GLRA3: variants seen among roughly 807,000 people sequenced by gnomAD.
GLRA3 encodes the protein glycine receptor alpha 3.
GLRA3 carries 44 observed loss-of-function variants against 60.4 expected under a neutral mutation model. The ratio of observed to expected loss-of-function variants is 0.73; its 90% CI spans 0.57 to 0.94. The LOEUF (loss-of-function observed/expected upper bound fraction) is 0.94, where lower values mean the gene tolerates loss of function less well. Among genes scored for constraint, GLRA3 ranks in the 40% least tolerant of loss-of-function variants. The pLI is 0.00. For missense variants in GLRA3, 508 were observed against 564.6 expected (o/e 0.90, Z 1.02); for synonymous variants, 223 against 192.9 (o/e 1.16, Z -1.29).
At position 174,642,937 on chromosome 4, in the gene GLRA3, C is replaced by A. The variant is rs1407377692; in HGVS notation, c.*849G>T. 1 of 809,836 alleles carries A rather than the reference C, an allele frequency of 1.2e-6. No homozygotes were observed. The highest frequency in any genetic ancestry group is 1.9e-5 in the African/African-American group (1 of 53,278). 50.2% of individuals were successfully genotyped at this position (809,836 alleles called of 1,614,324 possible). ...CTTACTGAATTTTGTCCTGTTATAT[C>A]AAATTATTAAACACAATCACATACA... On this transcript the variant is annotated 3_prime_UTR_variant, in exon 10 of 10. Transcript: ENST00000274093.
At chr4:174,710,670 A>G (rs556432605) in intron 5 of GLRA3, among the ~76,000 whole-genome samples, 1 of 152,254 alleles carries the variant, frequency 6.6e-6, no homozygotes, top group Non-Finnish European at 1.5e-5. Context: ...TTTCCTTTCC[A>G]TAACTATGAC....
At chr4:174,763,442 A>T (rs1282384529) in intron 3 of GLRA3, among the ~76,000 whole-genome samples, 1 of 152,164 alleles carries the variant, frequency 6.6e-6, no homozygotes, top group Non-Finnish European at 1.5e-5. Flanking sequence ...TAACCAATAA[A>T]ACCCCAATCT....
intron 4 of GLRA3, among the ~76,000 whole-genome samples, chr4:174,727,621 G>C (rs897534949): frequency 2.0e-5 from 3 of 152,064 alleles, no homozygotes; most frequent in Non-Finnish European, 2.9e-5. Context: ...CACTATTTTA[G>C]AAGATTTTTT....
chr4:174,647,580 A>T (rs1185628368), intron 9 of GLRA3, among the ~76,000 whole-genome samples: 1 of 152,170 alleles, frequency 6.6e-6, no homozygotes, highest in African/African-American at 2.4e-5. Context: ...GGCAAGTGAC[A>T]CTGCAAACTA....
At chr4:174,676,829 G>C (rs1347626019) in intron 7 of GLRA3, among the ~76,000 whole-genome samples, 1 of 152,000 alleles carries the variant, frequency 6.6e-6, no homozygotes, top group African/African-American at 2.4e-5. Context: ...TAGTGTATAA[G>C]AGTATTATTG....
intron 9 of GLRA3, among the ~76,000 whole-genome samples, chr4:174,645,435 A>AG (rs1414612698): frequency 4.5e-4 from 68 of 151,672 alleles, no homozygotes; most frequent in African/African-American, 1.5e-3. Context: ...AAAAAAAAAA[A>AG]AAAGAAAATG....
chr4:174,760,245 T>G (rs948737282), intron 3 of GLRA3, among the ~76,000 whole-genome samples: 2 of 152,172 alleles, frequency 1.3e-5, no homozygotes, highest in Non-Finnish European at 1.5e-5. Context: ...AGGAAGTACA[T>G]GATAAGCAGG....
chr4:174,717,582 C>T (rs1371017540), intron 4 of GLRA3, among the ~76,000 whole-genome samples: 3 of 152,044 alleles, frequency 2.0e-5, no homozygotes, highest in Non-Finnish European at 2.9e-5. Context: ...AATGGAGAGA[C>T]AGTGAAGCTG....
In GLRA3 at chr4:174,644,067, G is replaced by C. The variant is rs369604752; in HGVS notation, c.1117-3C>G. On this transcript the variant is annotated splice_region_variant and splice_polypyrimidine_tract_variant and intron_variant, in intron 9 of 9. Transcript: ENST00000274093. ...CGGCTTTCCCTTACCTCATCATCCT[G>C]TCAAAGAAAAATGTGACAAGGCCCT... 6.3e-7 allele frequency: 1 copy of C among 1,585,882 alleles called. No individual in the cohort carries two copies.
At chr4:174,678,673 T>C (rs1368790939) in intron 6 of GLRA3, among the ~76,000 whole-genome samples, 1 of 152,164 alleles carries the variant, frequency 6.6e-6, no homozygotes, top group African/African-American at 2.4e-5. Flanking sequence ...CTTAAGTGAA[T>C]AGCAATCAGA....
In GLRA3 at chr4:174,670,567, G is replaced by T. The variant is rs552163636; in HGVS notation, c.927+6511C>A. On this transcript the variant is annotated intron_variant, in intron 7 of 9. Coordinates refer to ENST00000274093, the MANE Select transcript of GLRA3 (RefSeq NM_006529.4). Reference sequence around the variant, plus strand: ...ATATCTTTGTTTTTAAACTTAGTTTGATGTCAAAGCTGTGGTATCATGCCA... The same window carrying T: ...ATATCTTTGTTTTTAAACTTAGTTTTATGTCAAAGCTGTGGTATCATGCCA... Among the ~76,000 whole-genome samples, 14 of 152,216 alleles carry T rather than the reference G, an allele frequency of 9.2e-5. No individual in the cohort carries two copies. In the East Asian group the frequency reaches 2.5e-3, roughly 27 times the overall value.
intron 3 of GLRA3, among the ~76,000 whole-genome samples, chr4:174,735,450 A>G (rs575643205): frequency 2.6e-5 from 4 of 152,250 alleles, no homozygotes; most frequent in Admixed American, 6.5e-5. Context: ...TCATTCCAAC[A>G]GAATATTGTC....
chr4:174,721,776 T>C (rs988016004), intron 4 of GLRA3, among the ~76,000 whole-genome samples: 6 of 151,186 alleles, frequency 4.0e-5, no homozygotes, highest in Admixed American at 3.3e-4. Flanking sequence ...TATATGTGTG[T>C]GTGTGTGTAT....
chr4:174,681,352 C>A (rs529773321), intron 6 of GLRA3, among the ~76,000 whole-genome samples: 3 of 152,264 alleles, frequency 2.0e-5, no homozygotes, highest in South Asian at 4.1e-4. Flanking sequence ...TTCATGTCCA[C>A]CCAGAATGTG....
At chr4:174,783,950 T>C (rs866997548) in intron 2 of GLRA3, among the ~76,000 whole-genome samples, 3 of 150,740 alleles carry the variant, frequency 2.0e-5, no homozygotes, top group East Asian at 2.0e-4. Flanking sequence ...TACCATTTGA[T>C]CCAGCCATCC....
intron 3 of GLRA3, among the ~76,000 whole-genome samples, chr4:174,758,336 T>C (rs1737801986): frequency 6.6e-6 from 1 of 152,180 alleles, no homozygotes; most frequent in South Asian, 2.1e-4. Flanking sequence ...TGATAGTATA[T>C]ACTCTTGATA....
rs182065878 is a variant in GLRA3, at chr4:174,701,971, A to G, written c.574+13517T>C. ...ACACCGTGAACATTGTTGAAATGAC[A>G]ACAAAGGATTTAGAATATTACATGC... On this transcript the variant is annotated intron_variant, in intron 5 of 9. Transcript: ENST00000274093. Among the ~76,000 whole-genome samples the G allele has an allele frequency of 3.6e-3, 552 of 152,330 alleles. 4 individuals are homozygous for G. The highest frequency in any genetic ancestry group is 0.013 in the African/African-American group (529 of 41,582).
chr4:174,704,646 G>A (rs11133051), intron 5 of GLRA3, among the ~76,000 whole-genome samples: 26,396 of 143,110 alleles, frequency 0.18, 6,356 homozygotes, highest in East Asian at 0.57. Context: ...TTTGACATTC[G>A]TGTTCATAGC....
chr4:174,807,502 C>A (rs1051654503), intron 1 of GLRA3, among the ~76,000 whole-genome samples: 3 of 151,866 alleles, frequency 2.0e-5, no homozygotes, highest in African/African-American at 7.2e-5. Context: ...AGAAAATTTT[C>A]AGAAATGATA....
Sources: gnomAD v4.1 joint callset for allele counts (sites outside exome capture counted in the v4.1 genomes callset) on GRCh38, gnomAD v4.1.1 for gene constraint, MANE v1.5 for transcripts, NCBI Gene and HGNC (gene_info 2026-07-23, HGNC 2026-07-21) for gene names.